Variants in FGF14 observed in about 807,000 individuals in gnomAD.
The protein encoded by FGF14 is fibroblast growth factor homologous factor 4.
In FGF14, 5 loss-of-function variants were observed where a neutral mutation model predicts 25.5. The observed-to-expected ratio is 0.20, with a 90% CI of 0.10 to 0.41. FGF14 has a LOEUF of 0.41. Among genes scored for constraint, FGF14 ranks in the 10% least tolerant of loss-of-function variants. FGF14 has a pLI of 1.00. For synonymous variants in FGF14, 138 were observed against 118.3 expected, an observed-to-expected ratio of 1.17 and a Z score of -1.08; for missense variants, 222 against 320.1, an observed-to-expected ratio of 0.69 and a Z score of 2.34.
At chr13:101,995,065 A>C (rs1270325176) in intron 1 of FGF14, among the ~76,000 whole-genome samples, 2 of 152,168 alleles carry the variant, frequency 1.3e-5, no homozygotes, top group Non-Finnish European at 2.9e-5. Context: ...CCACAGGATA[A>C]AAATAATTAT....
intron 1 of FGF14, among the ~76,000 whole-genome samples, chr13:102,107,090 G>C (rs1333683668): frequency 6.6e-6 from 1 of 152,090 alleles, no homozygotes; most frequent in African/African-American, 2.4e-5. Context: ...TCAGTTTGAT[G>C]ACTACTAGCC....
intron 1 of FGF14, among the ~76,000 whole-genome samples, chr13:101,970,913 C>T (rs546039491): frequency 6.6e-6 from 1 of 152,286 alleles, no homozygotes; most frequent in East Asian, 1.9e-4. Context: ...GCCCCTATTT[C>T]TCTCTGTAGC....
intron 1 of FGF14, among the ~76,000 whole-genome samples, chr13:102,195,375 T>C (rs973916941): frequency 6.6e-6 from 1 of 152,132 alleles, no homozygotes; most frequent in African/African-American, 2.4e-5. Context: ...TAGAGCTATG[T>C]AGCAGCAAAA....
intron 3 of FGF14, among the ~76,000 whole-genome samples, chr13:101,794,095 T>A (rs1244491727): frequency 6.6e-6 from 1 of 152,064 alleles, no homozygotes. Flanking sequence ...ATTCATTCTG[T>A]CATTCTTCTG....
chr13:102,126,057 A>G (rs968035980), intron 1 of FGF14, among the ~76,000 whole-genome samples: 1 of 152,150 alleles, frequency 6.6e-6, no homozygotes, highest in Admixed American at 6.6e-5. Context: ...TAAGCTAAAG[A>G]GGCCTTGGAT....
At chr13:102,297,132 A>T (rs956636540) in intron 1 of FGF14, among the ~76,000 whole-genome samples, 1 of 152,160 alleles carries the variant, frequency 6.6e-6, no homozygotes, top group Non-Finnish European at 1.5e-5. Flanking sequence ...AGTGATGGGA[A>T]AAGGTGGCAT....
At chr13:101,852,398 G>T (rs1333201836) in intron 3 of FGF14, among the ~76,000 whole-genome samples, 1 of 151,966 alleles carries the variant, frequency 6.6e-6, no homozygotes, top group African/African-American at 2.4e-5. Flanking sequence ...GAAGAATATG[G>T]GGTTTTTCTT....
rs796286929 is a variant in FGF14, at chr13:102,310,697, G to GTGTGT, written c.208+90773_208+90774insACACA. Reference sequence around the variant, plus strand: ...TCTCTCTCTCTCTCTGTGTGTGTGTGGGGGGGGGGGGGTGGGGGTTGTTTA... The same window carrying GTGTGT: ...TCTCTCTCTCTCTCTGTGTGTGTGTGTGTGTGGGGGGGGGGGGTGGGGGTTGTTTA... On this transcript the variant is annotated intron_variant, in intron 1 of 4. Coordinates refer to the FGF14 transcript ENST00000376131. 4.3e-4 allele frequency among the ~76,000 whole-genome samples: 5 copies of GTGTGT among 11,724 alleles called. 2 individuals are homozygous for GTGTGT. The highest frequency in any genetic ancestry group is 5.1e-4 in the African/African-American group (2 of 3,910). 7.7% of individuals were successfully genotyped at this position (11,724 alleles called of 152,430 possible). A position where few individuals can be genotyped will look rare whatever the true frequency, so the allele number is the denominator to read the frequency against.
At chr13:101,992,434 G>C (rs549634368) in intron 1 of FGF14, among the ~76,000 whole-genome samples, 7 of 151,986 alleles carry the variant, frequency 4.6e-5, no homozygotes, top group African/African-American at 1.7e-4. Context: ...CATGCTAAGG[G>C]GCAAAATAAA....
At chr13:102,305,576 C>G (rs561653138) in intron 1 of FGF14, among the ~76,000 whole-genome samples, 1 of 152,158 alleles carries the variant, frequency 6.6e-6, no homozygotes, top group Non-Finnish European at 1.5e-5. Context: ...ATTGTAATTA[C>G]ATCAGTATTT....
In FGF14 at chr13:101,714,674, C is replaced by T. The variant is rs746347202; in HGVS notation, c.*8157G>A. ...GCCAACCGTGAATATGAAATATCTA[C>T]CAAAGGCGAAGTGGGCATTTGGGAA... On this transcript the variant is annotated 3_prime_UTR_variant, in exon 5 of 5. Coordinates refer to ENST00000376143, the MANE Select transcript of FGF14 (RefSeq NM_004115.4). 1.5e-6 allele frequency: 1 copy of T among 659,666 alleles called. No homozygotes were observed. Among genetic ancestry groups the T allele is most frequent in the Non-Finnish European group, 2.7e-6 (1 of 365,630 alleles). 40.9% of individuals were successfully genotyped at this position (659,666 alleles called of 1,614,324 possible). A position where few individuals can be genotyped will look rare whatever the true frequency, so the allele number is the denominator to read the frequency against.
At chr13:101,968,983 G>C (rs1366228863) in intron 1 of FGF14, among the ~76,000 whole-genome samples, 1 of 151,682 alleles carries the variant, frequency 6.6e-6, no homozygotes, top group Non-Finnish European at 1.5e-5. Context: ...CAATTCCTTG[G>C]TATGGACAGA....
chr13:101,804,233 G>A (rs931418506), intron 3 of FGF14, among the ~76,000 whole-genome samples: 1 of 152,126 alleles, frequency 6.6e-6, no homozygotes, highest in East Asian at 1.9e-4. Flanking sequence ...CTTTTAGTTT[G>A]GGCTGGATGT....
chr13:101,949,370 T>C (rs2139377339), intron 1 of FGF14, among the ~76,000 whole-genome samples: 1 of 152,258 alleles, frequency 6.6e-6, no homozygotes, highest in Admixed American at 6.5e-5. Context: ...CCTTTCTGTC[T>C]AGAAAGTTGC....
intron 1 of FGF14, among the ~76,000 whole-genome samples, chr13:102,179,199 A>G (rs1321616248): frequency 2.6e-5 from 4 of 152,048 alleles, no homozygotes; most frequent in African/African-American, 4.8e-5. Flanking sequence ...ATAGGTGAGT[A>G]CCATGAAAAA....
At chr13:102,349,375 T>C (rs1490902036) in intron 1 of FGF14, among the ~76,000 whole-genome samples, 2 of 152,206 alleles carry the variant, frequency 1.3e-5, no homozygotes, top group African/African-American at 2.4e-5. Context: ...TTTAATTACA[T>C]GTGGCTTTTC....
chr13:101,759,021 A>G (rs1172855260), intron 3 of FGF14, among the ~76,000 whole-genome samples: 1 of 152,230 alleles, frequency 6.6e-6, no homozygotes, highest in Non-Finnish European at 1.5e-5. Flanking sequence ...CTTGGTTTAG[A>G]GCATGCCAGA....
intron 3 of FGF14, among the ~76,000 whole-genome samples, chr13:101,783,684 C>A (rs939941638): frequency 1.3e-5 from 2 of 152,090 alleles, no homozygotes; most frequent in African/African-American, 4.8e-5. Context: ...TTAATTAGAT[C>A]CTATTTGTCA....
At chr13:101,964,695 C>G (rs938682059) in intron 1 of FGF14, among the ~76,000 whole-genome samples, 1 of 152,174 alleles carries the variant, frequency 6.6e-6, no homozygotes, top group Non-Finnish European at 1.5e-5. Context: ...ATCTTCTCTG[C>G]TATAGTTCTC....
Sources: allele counts gnomAD v4.1 joint callset (sites outside exome capture counted in the v4.1 genomes callset), GRCh38; gene constraint gnomAD v4.1.1; transcripts MANE v1.5; gene names NCBI Gene and HGNC (gene_info 2026-07-23, HGNC 2026-07-21).